Variants in FHOD3 observed in about 807,000 individuals in gnomAD.
FHOD3 encodes formin homology 2 domain containing 3, also known as FH1/FH2 domain-containing protein 3.
A neutral mutation model predicts 173.0 loss-of-function variants in FHOD3; 90 were observed. That is an observed-to-expected ratio of 0.52 (90% CI 0.44 to 0.62). The LOEUF is 0.62. Ranked by LOEUF, FHOD3 falls within the 20% of genes least tolerant of loss-of-function variation. FHOD3 has a pLI of 0.00. For missense variants in FHOD3, 1,945 were observed against 2,034.7 expected (o/e 0.96, Z 0.85); for synonymous variants, 828 against 823.0 (o/e 1.01, Z -0.10).
At position 36,698,276 on chromosome 18, in the gene FHOD3, A is replaced by G. The variant is rs143494812; in HGVS notation, c.2236+4853A>G. On this transcript the variant is annotated intron_variant, in intron 17 of 28. Coordinates refer to ENST00000590592, the MANE Select transcript of FHOD3 (RefSeq NM_001281740.3). The stretch of plus-strand genomic sequence containing the variant: ...CACCTGCTGTGGGCAGCCTTTGCAA[A>G]TCATCGAGTTTTTCTGCCTTGCCAT... 1.3e-3 allele frequency among the ~76,000 whole-genome samples: 200 copies of G among 152,304 alleles called. 1 individual carries two copies. Among genetic ancestry groups the G allele is most frequent in the African/African-American group, 4.7e-3 (194 of 41,560 alleles).
intron 3 of FHOD3, among the ~76,000 whole-genome samples, chr18:36,444,983 A>G (rs1027846120): frequency 2.6e-5 from 4 of 152,268 alleles, no homozygotes; most frequent in African/African-American, 9.6e-5. Flanking sequence ...AAGTCAAAAG[A>G]TAAAGTACCC....
intron 3 of FHOD3, among the ~76,000 whole-genome samples, chr18:36,475,188 G>A (rs1473305022): frequency 6.6e-6 from 1 of 152,108 alleles, no homozygotes; most frequent in Non-Finnish European, 1.5e-5. Context: ...AAGCCCACAG[G>A]TGGTTCATCT....
chr18:36,490,768 C>T (rs2145769127), intron 3 of FHOD3, among the ~76,000 whole-genome samples: 1 of 152,262 alleles, frequency 6.6e-6, no homozygotes, highest in African/African-American at 2.4e-5. Flanking sequence ...TGGCATAGCC[C>T]TTGTTGCAGA....
intron 15 of FHOD3, among the ~76,000 whole-genome samples, chr18:36,681,982 G>C (rs1446586038): frequency 6.6e-6 from 1 of 152,180 alleles, no homozygotes; most frequent in Non-Finnish European, 1.5e-5. Flanking sequence ...TTTGATCCCT[G>C]TAACAATCTT....
At chr18:36,755,077 C>T (rs781499660) in intron 24 of FHOD3, 42 bp from the exon 25 acceptor site, 25 of 1,360,322 alleles carry the variant, frequency 1.8e-5, no homozygotes, top group Admixed American at 5.0e-5. Context: ...ATTTTTATTT[C>T]TTAAAACGGA....
At chr18:36,577,799 A>G (rs1199592367) in intron 6 of FHOD3, among the ~76,000 whole-genome samples, 1 of 152,236 alleles carries the variant, frequency 6.6e-6, no homozygotes, top group Non-Finnish European at 1.5e-5. Flanking sequence ...GGTCCTGCCA[A>G]GGAAGCAGAT....
At chr18:36,724,205 A>G (rs535823465) in intron 19 of FHOD3, among the ~76,000 whole-genome samples, 1 of 152,374 alleles carries the variant, frequency 6.6e-6, no homozygotes, top group South Asian at 2.1e-4. Context: ...GTGTCTCACC[A>G]AGGATCCACC....
intron 9 of FHOD3, among the ~76,000 whole-genome samples, chr18:36,618,304 T>G (rs1798605080): frequency 7.0e-6 from 1 of 143,760 alleles, no homozygotes; most frequent in African/African-American, 2.5e-5. Context: ...AATGATGTTT[T>G]TTGGTGGTTT....
At chr18:36,394,623 G>C (rs1281488971) in intron 3 of FHOD3, among the ~76,000 whole-genome samples, 1 of 152,194 alleles carries the variant, frequency 6.6e-6, no homozygotes, top group Non-Finnish European at 1.5e-5. Context: ...AACCCAAGGA[G>C]GCTTCTGAAT....
At chr18:36,367,717 A>G (rs916924812) in intron 2 of FHOD3, among the ~76,000 whole-genome samples, 3 of 152,112 alleles carry the variant, frequency 2.0e-5, no homozygotes, top group Non-Finnish European at 2.9e-5. Flanking sequence ...GAGAATATCT[A>G]TCTATCTGAT....
chr18:36,747,246 G>A (rs1341161113), intron 24 of FHOD3, 111 bp downstream of exon 24: 5 of 787,928 alleles, frequency 6.3e-6, no homozygotes, highest in Middle Eastern at 7.3e-4. Flanking sequence ...TACATTCTTG[G>A]TACATAGCAA....
chr18:36,419,136 A>G (rs2049847462), intron 3 of FHOD3, among the ~76,000 whole-genome samples: 1 of 152,036 alleles, frequency 6.6e-6, no homozygotes, highest in Non-Finnish European at 1.5e-5. Context: ...CAAGTATCAA[A>G]TTCAAGGAAA....
At chr18:36,678,241 G>T (rs2037988638) in intron 14 of FHOD3, among the ~76,000 whole-genome samples, 1 of 151,950 alleles carries the variant, frequency 6.6e-6, no homozygotes, top group Admixed American at 6.6e-5. Flanking sequence ...TAATATTTCA[G>T]CATTAAGAAT....
chr18:36,344,790 G>A (rs1018257801), intron 1 of FHOD3, among the ~76,000 whole-genome samples: 7 of 151,976 alleles, frequency 4.6e-5, no homozygotes, highest in African/African-American at 1.7e-4. Flanking sequence ...ACTTATAAGA[G>A]ATACATCTAA....
Position 36,304,813 on chromosome 18 carries a change from A to C in FHOD3, c.165+6813A>C, listed in dbSNP as rs141907157. On this transcript the variant is annotated intron_variant, in intron 1 of 28. Transcript: ENST00000590592. ...CTAAATTTTTATTACTAAACTGTGA[A>C]GTTGCTAAGGCTATAATAAGTGATA... Among the ~76,000 whole-genome samples, 637 of 152,320 alleles carry C rather than the reference A, an allele frequency of 4.2e-3. 5 individuals carry two copies. The highest frequency in any genetic ancestry group is 0.015 in the African/African-American group (608 of 41,574).
In FHOD3 at chr18:36,682,450, A is replaced by G. The variant is rs544058452; in HGVS notation, c.1970+880A>G. On this transcript the variant is annotated intron_variant, in intron 15 of 28. Transcript: ENST00000590592. ...ATTCTTTCTTTTCATTTTTCTCCCC[A>G]TCTCTACCTCCTGTTTCCTTAGTTC... is the stretch of plus-strand genomic sequence containing the variant. 5.3e-5 allele frequency among the ~76,000 whole-genome samples: 8 copies of G among 151,588 alleles called. No individual in the cohort carries two copies. The South Asian group carries it at 1.7e-3, about 32-fold the overall frequency.
chr18:36,307,509 T>G (rs2092134432), intron 1 of FHOD3, among the ~76,000 whole-genome samples: 1 of 152,242 alleles, frequency 6.6e-6, no homozygotes, highest in Non-Finnish European at 1.5e-5. Flanking sequence ...TACCTTCCCC[T>G]GTGGTGGCAG....
intron 3 of FHOD3, among the ~76,000 whole-genome samples, chr18:36,478,335 C>T (rs537665349): frequency 1.2e-4 from 18 of 151,944 alleles, no homozygotes; most frequent in South Asian, 4.2e-4. Flanking sequence ...GATATACATG[C>T]GATATTTTGA....
At chr18:36,442,913 T>A (rs2051237030) in intron 3 of FHOD3, among the ~76,000 whole-genome samples, 2 of 152,236 alleles carry the variant, frequency 1.3e-5, no homozygotes, top group Non-Finnish European at 2.9e-5. Context: ...AGTCTTTTTA[T>A]TTCATGACCT....
Sources: gnomAD v4.1 joint callset for allele counts (sites outside exome capture counted in the v4.1 genomes callset) on GRCh38, gnomAD v4.1.1 for gene constraint, MANE v1.5 for transcripts, NCBI Gene and HGNC (gene_info 2026-07-23, HGNC 2026-07-21) for gene names.